SUZ12: variants seen among roughly 807,000 people sequenced by gnomAD.
The protein encoded by SUZ12 is SUZ12 polycomb repressive complex 2 subunit.
A neutral mutation model predicts 87.3 loss-of-function variants in SUZ12; 17 were observed. The observed-to-expected ratio is 0.19, with a 90% CI of 0.13 to 0.29. The LOEUF is 0.29. Ranked by LOEUF, SUZ12 falls within the 10% of genes least tolerant of loss-of-function variation. The probability of loss-of-function intolerance (pLI) is 1.00; values close to 1 mark genes in which losing one functional copy is unlikely to be tolerated. For synonymous variants in SUZ12, 253 were observed against 312.4 expected (o/e 0.81, Z 2.01); for missense variants, 526 against 912.2 (o/e 0.58, Z 5.45).
chr17:31,940,210 T>C, intron 1 of SUZ12, 76 bp from the exon 2 acceptor site: 3 of 1,558,802 alleles, frequency 1.9e-6, no homozygotes, highest in South Asian at 2.4e-5. Flanking sequence ...TTATATTGAT[T>C]ATAACATGGT....
chr17:31,966,713 A>T (rs1383250373), intron 5 of SUZ12: 1 of 152,474 alleles, frequency 6.6e-6, no homozygotes, highest in African/African-American at 2.4e-5. Flanking sequence ...ATGCATAAAC[A>T]TTTTGAATTA....
At chr17:31,953,449 C>A (rs1049315109) in intron 4 of SUZ12, among the ~76,000 whole-genome samples, 2 of 151,950 alleles carry the variant, frequency 1.3e-5, no homozygotes, top group African/African-American at 2.4e-5. Context: ...GCTTTGTCAC[C>A]GAGGCTGGAG....
At chr17:31,962,502 A>G (rs79806710) in intron 4 of SUZ12, among the ~76,000 whole-genome samples, 14,682 of 145,502 alleles carry the variant, frequency 0.1, no homozygotes, top group South Asian at 0.2. Context: ...GAGGTGGGAG[A>G]ATCGTTTGAG....
intron 4 of SUZ12, among the ~76,000 whole-genome samples, chr17:31,954,302 C>T (rs1355644474): frequency 6.6e-6 from 1 of 152,184 alleles, no homozygotes; most frequent in Non-Finnish European, 1.5e-5. Flanking sequence ...ACCTCGTGTT[C>T]TGCCCACCTC....
At chr17:31,990,568 T>C (rs533838184) in intron 10 of SUZ12, among the ~76,000 whole-genome samples, 19 of 152,232 alleles carry the variant, frequency 1.2e-4, no homozygotes, top group African/African-American at 4.3e-4. Context: ...TTTCATCATG[T>C]TGGCCAGGCT....
At chr17:31,951,482 C>CTTTTTT (rs1038403579) in intron 4 of SUZ12, among the ~76,000 whole-genome samples, 1 of 133,296 alleles carries the variant, frequency 7.5e-6, no homozygotes. Flanking sequence ...GTGGTTAGTT[C>CTTTTTT]TTTTTTTTTT....
chr17:31,982,834 G>A (rs1909194136), intron 8 of SUZ12, among the ~76,000 whole-genome samples, 165 bp from the exon 9 acceptor site: 1 of 152,162 alleles, frequency 6.6e-6, no homozygotes, highest in Non-Finnish European at 1.5e-5. Flanking sequence ...CATTAAAATT[G>A]CTTTCATCAG....
intron 14 of SUZ12, 117 bp downstream of exon 14, chr17:31,995,879 ATCCGG>A: frequency 2.1e-5 from 17 of 806,258 alleles, no homozygotes; most frequent in Non-Finnish European, 3.3e-5. Flanking sequence ...AAAAAAAGGA[ATCCGG>A]AAATGTACAG....
At chr17:31,955,223 C>G (rs1266407380) in intron 4 of SUZ12, among the ~76,000 whole-genome samples, 1 of 152,128 alleles carries the variant, frequency 6.6e-6, no homozygotes, top group Non-Finnish European at 1.5e-5. Context: ...CTGCCTTAGC[C>G]TCCTGAGTAG....
chr17:31,996,764 G>A (rs1016832596), intron 14 of SUZ12, 34 bp from the exon 15 acceptor site: 7 of 1,403,052 alleles, frequency 5.0e-6, no homozygotes, highest in South Asian at 2.8e-5. Flanking sequence ...CTTAAAATAT[G>A]TGTTTAATAG....
rs1268500276 is a variant in SUZ12 at position 31,976,509 on chromosome 17, T to G, written c.824-12T>G. 1 of 1,605,322 alleles carries G rather than the reference T, an allele frequency of 6.2e-7. No individual in the cohort carries two copies. Among genetic ancestry groups the G allele is most frequent in the African/African-American group, 1.3e-5 (1 of 74,584 alleles). The stretch of plus-strand genomic sequence containing the variant: ...TAATATTTGATTTATGAGAAATGTT[T>G]GTTAAATTTAGATGTCAATGAAGAG... On this transcript the variant is annotated splice_polypyrimidine_tract_variant and intron_variant, in intron 7 of 15. Coordinates refer to ENST00000322652, the MANE Select transcript of SUZ12 (RefSeq NM_015355.4).
intron 4 of SUZ12, among the ~76,000 whole-genome samples, chr17:31,960,439 G>A (rs1036033242): frequency 3.3e-5 from 5 of 152,032 alleles, no homozygotes; most frequent in Non-Finnish European, 7.4e-5. Context: ...TCGAACTCCT[G>A]ACCTTGTGAT....
rs71360790 is a variant in SUZ12, at chr17:31,949,676, C to CTT, written c.455+2019_455+2020dup. ...CCACACCCAGCCCCCCCCCCCCCCC[C>CTT]TTTTTTTTTTTTTTTTTTTTTTTTT... On this transcript the variant is annotated intron_variant, in intron 4 of 15. Transcript: ENST00000322652. 4.0e-4 allele frequency among the ~76,000 whole-genome samples: 5 copies of CTT among 12,388 alleles called. 1 individual carries two copies. Among genetic ancestry groups the CTT allele is most frequent in the Admixed American group, 1.2e-3 (1 of 860 alleles). 8.1% of individuals were successfully genotyped at this position (12,388 alleles called of 152,430 possible).
intron 8 of SUZ12, among the ~76,000 whole-genome samples, chr17:31,980,267 T>C (rs58501073): frequency 0.048 from 7,365 of 151,948 alleles, 553 homozygotes; most frequent in African/African-American, 0.17. Flanking sequence ...AAATTCTATT[T>C]ATTCAATTAG....
At chr17:31,959,907 G>C (rs1434660631) in intron 4 of SUZ12, among the ~76,000 whole-genome samples, 4 of 152,160 alleles carry the variant, frequency 2.6e-5, no homozygotes, top group African/African-American at 9.6e-5. Context: ...CTGATTTCTT[G>C]TTATCATGTG....
intron 9 of SUZ12, among the ~76,000 whole-genome samples, chr17:31,987,082 GAAGGA>G (rs1392947251): frequency 6.6e-6 from 1 of 151,508 alleles, no homozygotes; most frequent in African/African-American, 2.4e-5. Flanking sequence ...TGTGATCCTT[GAAGGA>G]CAAGGAAGAA....
At chr17:31,953,506 A>G (rs1907108600) in intron 4 of SUZ12, among the ~76,000 whole-genome samples, 1 of 152,018 alleles carries the variant, frequency 6.6e-6, no homozygotes, top group African/African-American at 2.4e-5. Flanking sequence ...CTTGTGGACT[A>G]AAGGGATCCT....
At position 31,993,943 on chromosome 17, in the gene SUZ12, C is replaced by T. The variant is rs372771855; in HGVS notation, c.1372C>T (p.Arg458Cys). The change falls in exon 12 of 16, where the codon CGC becomes TGC. Residue 458 changes from arginine to cysteine, a missense_variant. Coordinates refer to ENST00000322652, the MANE Select transcript of SUZ12 (RefSeq NM_015355.4). ...LHCPWCTLNC[R>C]KLYSLLKHLK... ...TTGCCCTTGGTGTACTCTGAACTGC[C>T]GCAAACTTTATAGTTTACTCAAGCA... is the stretch of plus-strand genomic sequence containing the variant. The T allele has an allele frequency of 2.2e-5, 36 of 1,613,512 alleles. No individual in the cohort carries two copies. Among genetic ancestry groups the T allele is most frequent in the Non-Finnish European group, 2.9e-5 (34 of 1,179,904 alleles).
At chr17:31,966,310 T>G in intron 5 of SUZ12, 114 bp downstream of exon 5, 2 of 928,562 alleles carry the variant, frequency 2.2e-6, no homozygotes, top group Non-Finnish European at 3.3e-6. Context: ...ATGGAAAATA[T>G]GTTGGTTCTG....
Sources: gnomAD v4.1 joint callset for allele counts (sites outside exome capture counted in the v4.1 genomes callset) on GRCh38, gnomAD v4.1.1 for gene constraint, MANE v1.5 for transcripts, NCBI Gene and HGNC (gene_info 2026-07-23, HGNC 2026-07-21) for gene names.